Variants in ADAM10 observed in about 807,000 individuals in gnomAD.
The protein encoded by ADAM10 is disintegrin and metalloproteinase domain-containing protein 10.
ADAM10 carries 17 observed loss-of-function variants against 90.1 expected under a neutral mutation model. The observed-to-expected ratio is 0.19, with a 90% CI of 0.13 to 0.28. The LOEUF (loss-of-function observed/expected upper bound fraction) is 0.28, where lower values mean the gene tolerates loss of function less well. Ranked by LOEUF, ADAM10 falls within the 10% of genes least tolerant of loss-of-function variation. The probability of loss-of-function intolerance (pLI) is 1.00; values close to 1 mark genes in which losing one functional copy is unlikely to be tolerated. For synonymous variants in ADAM10, 310 were observed against 298.6 expected (o/e 1.04, Z -0.40); for missense variants, 610 against 914.3 (o/e 0.67, Z 4.29).
chr15:58,652,570 G>A (rs1896716040), intron 5 of ADAM10, among the ~76,000 whole-genome samples: 1 of 152,010 alleles, frequency 6.6e-6, no homozygotes, highest in South Asian at 2.1e-4. Flanking sequence ...TGTTTCTGAG[G>A]TCTCTATTCT....
chr15:58,730,513 C>T (rs372103533), intron 1 of ADAM10, among the ~76,000 whole-genome samples: 4 of 151,474 alleles, frequency 2.6e-5, no homozygotes, highest in South Asian at 2.1e-4. Flanking sequence ...TGTTACAGAA[C>T]AGGTATCAAA....
At chr15:58,689,844 T>C in intron 2 of ADAM10, among the ~76,000 whole-genome samples, 1 of 151,252 alleles carries the variant, frequency 6.6e-6, no homozygotes, top group Non-Finnish European at 1.5e-5. Context: ...CAGGGCCAGA[T>C]GGTTCCCCTG....
At chr15:58,674,433 T>C (rs1897267785) in intron 4 of ADAM10, among the ~76,000 whole-genome samples, 1 of 152,188 alleles carries the variant, frequency 6.6e-6, no homozygotes, top group Non-Finnish European at 1.5e-5. Flanking sequence ...GGCTACATAG[T>C]TTGTCACAAC....
intron 10 of ADAM10, among the ~76,000 whole-genome samples, chr15:58,626,495 G>GAC (rs147895807): frequency 1.1e-4 from 16 of 151,826 alleles, no homozygotes; most frequent in South Asian, 4.2e-4. Flanking sequence ...ATAGGACAAG[G>GAC]ACACACACAC....
At chr15:58,632,890 T>C (rs1896141503) in intron 9 of ADAM10, among the ~76,000 whole-genome samples, 1 of 152,214 alleles carries the variant, frequency 6.6e-6, no homozygotes, top group Non-Finnish European at 1.5e-5. Flanking sequence ...ATTCAAAAGA[T>C]ATTTGAGTAC....
Position 58,610,415 on chromosome 15 carries a change from C to T in ADAM10, c.1907G>A (p.Arg636Lys), listed in dbSNP as rs1432363290. Residue 636 changes from arginine to lysine, a missense_variant, in exon 14 of 16, where the codon AGA (arginine) becomes AAA (lysine). Physicochemically the swap from Arg to Lys is conservative, Grantham distance 26 (BLOSUM62 2). This residue lies in a region of ADAM10 where 150 missense variants were observed against 268.5 expected (regional missense o/e 0.56). Coordinates refer to ENST00000260408, the MANE Select transcript of ADAM10 (RefSeq NM_001110.4). ...LQPGSPCNDF[R>K]GYCDVFMRCR... Reference sequence around the variant, plus strand: ...CCGCATGAAAACATCACAGTAACCTCTAAAATCGTTGCAAGGGGATCCAGG... The same window carrying T: ...CCGCATGAAAACATCACAGTAACCTTTAAAATCGTTGCAAGGGGATCCAGG... 6.2e-7 allele frequency: 1 copy of T among 1,614,060 alleles called. No homozygotes were observed. The highest frequency in any genetic ancestry group is 1.3e-5 in the African/African-American group (1 of 74,922).
chr15:58,613,251 A>C (rs192314008), intron 11 of ADAM10, among the ~76,000 whole-genome samples: 74 of 152,310 alleles, frequency 4.9e-4, no homozygotes, highest in Admixed American at 4.4e-3. Context: ...CTGGAAAAAG[A>C]AGCACCACAC....
intron 8 of ADAM10, 44 bp from the exon 9 acceptor site, chr15:58,633,403 C>T (rs1896155237): frequency 6.5e-7 from 1 of 1,546,602 alleles, no homozygotes; most frequent in Non-Finnish European, 8.9e-7. Context: ...TCTGTTTCCC[C>T]TTACCCCCAA....
intron 1 of ADAM10, among the ~76,000 whole-genome samples, chr15:58,720,683 G>A (rs1898823181): frequency 6.6e-6 from 1 of 151,372 alleles, no homozygotes; most frequent in South Asian, 2.1e-4. Flanking sequence ...TTACAGGCAT[G>A]AGCCACCACG....
intron 5 of ADAM10, among the ~76,000 whole-genome samples, chr15:58,661,751 T>G (rs1896972260): frequency 6.6e-6 from 1 of 152,218 alleles, no homozygotes; most frequent in Admixed American, 6.5e-5. Context: ...CATCTCTTCC[T>G]GCTGGACGTC....
intron 1 of ADAM10, among the ~76,000 whole-genome samples, chr15:58,741,321 TTAAG>T (rs775893497): frequency 2.4e-4 from 35 of 147,208 alleles, no homozygotes; most frequent in Admixed American, 4.2e-4. Context: ...TAATTCCAAC[TTAAG>T]TAAGAAAAAA....
intron 14 of ADAM10, among the ~76,000 whole-genome samples, chr15:58,600,257 A>ATGT (rs55729244): frequency 1.4e-4 from 21 of 152,266 alleles, no homozygotes; most frequent in Admixed American, 4.6e-4. Context: ...CTTATAGACT[A>ATGT]TGTTTTGATT....
At chr15:58,647,555 G>A (rs180765153) in intron 5 of ADAM10, among the ~76,000 whole-genome samples, 6 of 150,370 alleles carry the variant, frequency 4.0e-5, no homozygotes, top group South Asian at 2.1e-4. Flanking sequence ...CACCACCCCC[G>A]CCAAGTATTT....
At position 58,592,460 on chromosome 15, in the gene ADAM10, G is replaced by T. The variant is rs1184661737; in HGVS notation, c.*5087C>A. The T allele has an allele frequency of 6.6e-6, 1 of 152,146 alleles. No individual in the cohort carries two copies. Among genetic ancestry groups the T allele is most frequent in the African/African-American group, 2.4e-5 (1 of 41,424 alleles). 9.4% of individuals were successfully genotyped at this position (152,146 alleles called of 1,614,324 possible). On this transcript the variant is annotated 3_prime_UTR_variant, in exon 16 of 16. Coordinates refer to ENST00000260408, the MANE Select transcript of ADAM10 (RefSeq NM_001110.4). Reference sequence around the variant, plus strand: ...AAAGTTATCTCAGCCTTGGCCAGTGGTAACTTCTAAGGTGCCTCCTGAATC... The same window carrying T: ...AAAGTTATCTCAGCCTTGGCCAGTGTTAACTTCTAAGGTGCCTCCTGAATC...
intron 2 of ADAM10, chr15:58,691,689 T>TTTTC (rs1484403359): frequency 2.8e-6 from 1 of 353,498 alleles, no homozygotes; most frequent in African/African-American, 2.3e-5. Context: ...TTTTTTTTTT[T>TTTTC]TTTTTTTTTT....
intron 3 of ADAM10, among the ~76,000 whole-genome samples, chr15:58,680,402 CG>C (rs1435965394): frequency 1.3e-5 from 2 of 152,126 alleles, no homozygotes; most frequent in Non-Finnish European, 2.9e-5. Flanking sequence ...GGATTACAGG[CG>C]TGAGTCACCA....
At chr15:58,616,926 G>A (rs1895631575) in intron 11 of ADAM10, among the ~76,000 whole-genome samples, 1 of 152,038 alleles carries the variant, frequency 6.6e-6, no homozygotes, top group African/African-American at 2.4e-5. Context: ...GGCTAACACG[G>A]TGAAACCCCG....
At chr15:58,615,232 C>G (rs1895571946) in intron 11 of ADAM10, among the ~76,000 whole-genome samples, 2 of 142,998 alleles carry the variant, frequency 1.4e-5, no homozygotes, top group African/African-American at 5.2e-5. Flanking sequence ...CAAGATTGCA[C>G]CACTGCACTC....
chr15:58,627,437 C>A (rs1392319726), intron 10 of ADAM10, among the ~76,000 whole-genome samples: 1 of 152,114 alleles, frequency 6.6e-6, no homozygotes, highest in African/African-American at 2.4e-5. Flanking sequence ...GAACTATAAA[C>A]AATATTGAAC....
Sources: gnomAD v4.1 joint callset for allele counts (sites outside exome capture counted in the v4.1 genomes callset) on GRCh38, gnomAD v4.1.1 for gene constraint, gnomAD v4.1.1 regional missense constraint, MANE v1.5 for transcripts, NCBI Gene and HGNC (gene_info 2026-07-23, HGNC 2026-07-21) for gene names.